The following LRP1B variants were observed in gnomAD, a reference collection of about 807,000 sequenced individuals.
The protein encoded by LRP1B is low-density lipoprotein receptor-related protein 1B.
Under a neutral mutation model 556.6 loss-of-function variants are expected in LRP1B, and 217 were observed. That is an observed-to-expected ratio of 0.39 (90% CI 0.35 to 0.44). LRP1B has a LOEUF of 0.44. Among genes scored for constraint, LRP1B ranks in the 20% least tolerant of loss-of-function variants. The pLI, the probability that LRP1B is intolerant of heterozygous loss-of-function variation, is 1.00. For synonymous variants in LRP1B, 2,047 were observed against 1,865.8 expected, an observed-to-expected ratio of 1.10 and a Z score of -2.50; for missense variants, 5,053 against 5,620.8, an observed-to-expected ratio of 0.90 and a Z score of 3.23.
chr2:141,277,111 C>T (rs186789522), intron 3 of LRP1B, among the ~76,000 whole-genome samples: 4 of 152,212 alleles, frequency 2.6e-5, no homozygotes, highest in Non-Finnish European at 4.4e-5. Flanking sequence ...CAAGTGCATA[C>T]GTCTTTATGG....
intron 7 of LRP1B, among the ~76,000 whole-genome samples, chr2:141,168,663 T>G (rs73962837): frequency 6.6e-6 from 1 of 152,182 alleles, no homozygotes; most frequent in East Asian, 1.9e-4. Context: ...TTATTTTAAT[T>G]AAATTGCTCC....
intron 1 of LRP1B, among the ~76,000 whole-genome samples, chr2:141,917,191 A>G (rs1219231485): frequency 6.6e-6 from 1 of 152,206 alleles, no homozygotes; most frequent in Non-Finnish European, 1.5e-5. Flanking sequence ...ATAATTTGCT[A>G]TGGACTGAAG....
intron 2 of LRP1B, among the ~76,000 whole-genome samples, chr2:141,514,956 A>C (rs1360376050): frequency 6.6e-6 from 1 of 152,160 alleles, no homozygotes; most frequent in Non-Finnish European, 1.5e-5. Context: ...TTCTTTTGAG[A>C]GGAAACCTGG....
At chr2:141,316,991 T>C (rs1402123966) in intron 3 of LRP1B, among the ~76,000 whole-genome samples, 1 of 152,148 alleles carries the variant, frequency 6.6e-6, no homozygotes, top group Non-Finnish European at 1.5e-5. Context: ...CAAAAGGGAA[T>C]TGTAGAGTTT....
At chr2:140,352,168 TTTTG>T (rs538622305) in intron 76 of LRP1B, among the ~76,000 whole-genome samples, 33 of 152,180 alleles carry the variant, frequency 2.2e-4, no homozygotes, top group Middle Eastern at 6.8e-3. Context: ...TTTAATCTTT[TTTTG>T]TTTGTTTGTT....
At chr2:140,326,332 T>A (rs556838378) in intron 79 of LRP1B, among the ~76,000 whole-genome samples, 1 of 149,504 alleles carries the variant, frequency 6.7e-6, no homozygotes, top group Non-Finnish European at 1.5e-5. Flanking sequence ...TCTCAGAATA[T>A]ACAAGGTTCA....
At chr2:141,310,942 C>T (rs971082089) in intron 3 of LRP1B, among the ~76,000 whole-genome samples, 4 of 152,260 alleles carry the variant, frequency 2.6e-5, no homozygotes, top group African/African-American at 9.6e-5. Flanking sequence ...CATTTTGTTA[C>T]TTACTAGAAA....
intron 11 of LRP1B, among the ~76,000 whole-genome samples, chr2:141,034,106 T>A (rs892194196): frequency 2.6e-5 from 4 of 152,270 alleles, no homozygotes; most frequent in African/African-American, 9.6e-5. Context: ...TAGTTTTTAT[T>A]AGGATCATGG....
intron 43 of LRP1B, among the ~76,000 whole-genome samples, chr2:140,566,861 G>T (rs907128804): frequency 6.6e-6 from 1 of 152,134 alleles, no homozygotes; most frequent in African/African-American, 2.4e-5. Flanking sequence ...AAATGGGGGT[G>T]TGGTCACCCA....
chr2:140,636,365 C>T (rs903619394), intron 41 of LRP1B, among the ~76,000 whole-genome samples: 32 of 152,098 alleles, frequency 2.1e-4, no homozygotes, highest in Admixed American at 6.5e-5. Flanking sequence ...TCAGCTAATG[C>T]TTTCTTAAAT....
rs901555407 is a variant in LRP1B at position 141,142,101 on chromosome 2, T to C, written c.1013+46320A>G. 2.7e-5 allele frequency among the ~76,000 whole-genome samples: 4 copies of C among 148,172 alleles called. No homozygotes were observed. In the Admixed American group the frequency reaches 2.7e-4, roughly 10 times the overall value. On this transcript the variant is annotated intron_variant, in intron 7 of 90. Coordinates refer to ENST00000389484, the MANE Select transcript of LRP1B (RefSeq NM_018557.3). ...CAATCTGGTATAACAAAAAAAAAAA[T>C]CTATTCTTTAAAATACCCTAATTAT...
intron 35 of LRP1B, among the ~76,000 whole-genome samples, chr2:140,725,966 C>A (rs1370638478): frequency 6.6e-6 from 1 of 152,152 alleles, no homozygotes; most frequent in African/African-American, 2.4e-5. Context: ...CCCATTAGAA[C>A]TGCTTGAGGA....
intron 43 of LRP1B, among the ~76,000 whole-genome samples, chr2:140,579,372 C>A (rs1415458623): frequency 6.6e-6 from 1 of 151,928 alleles, no homozygotes; most frequent in Non-Finnish European, 1.5e-5. Flanking sequence ...TCTCCCCCAT[C>A]AGGACCAAAT....
chr2:142,026,698 G>A (rs1256619475), intron 1 of LRP1B, among the ~76,000 whole-genome samples: 2 of 151,936 alleles, frequency 1.3e-5, no homozygotes, highest in East Asian at 1.9e-4. Context: ...TGGGAACTGG[G>A]GGAACTTCGC....
intron 77 of LRP1B, among the ~76,000 whole-genome samples, chr2:140,350,482 T>TA (rs1558821306): frequency 6.6e-6 from 1 of 152,124 alleles, no homozygotes; most frequent in East Asian, 1.9e-4. Context: ...CATCTCATGA[T>TA]AAAAAAGCTT....
intron 1 of LRP1B, among the ~76,000 whole-genome samples, chr2:142,003,272 A>G (rs1303316940): frequency 6.6e-6 from 1 of 152,228 alleles, no homozygotes; most frequent in African/African-American, 2.4e-5. Context: ...CAAATGCCTA[A>G]TGCACAATAG....
intron 87 of LRP1B, among the ~76,000 whole-genome samples, chr2:140,243,593 A>C (rs1026682027): frequency 6.6e-6 from 1 of 151,184 alleles, no homozygotes; most frequent in Non-Finnish European, 1.5e-5. Flanking sequence ...CTTTCTCTTA[A>C]GCATTTTGGT....
intron 3 of LRP1B, among the ~76,000 whole-genome samples, chr2:141,393,834 G>A (rs1203603727): frequency 1.3e-5 from 2 of 151,996 alleles, no homozygotes; most frequent in East Asian, 3.9e-4. Context: ...ATAAAGATGT[G>A]CTTTATACGT....
chr2:141,964,830 T>G (rs1190905625), intron 1 of LRP1B, among the ~76,000 whole-genome samples: 1 of 151,694 alleles, frequency 6.6e-6, no homozygotes, highest in East Asian at 1.9e-4. Flanking sequence ...GGGAGAAAAT[T>G]TTTGCAACCT....
Sources: gnomAD v4.1 joint callset for allele counts (sites outside exome capture counted in the v4.1 genomes callset) on GRCh38, gnomAD v4.1.1 for gene constraint, MANE v1.5 for transcripts, NCBI Gene and HGNC (gene_info 2026-07-23, HGNC 2026-07-21) for gene names.